NR3C1: variants seen among roughly 807,000 people sequenced by gnomAD.
The protein encoded by NR3C1 is glucocorticoid receptor.
In NR3C1, 14 loss-of-function variants were observed where a neutral mutation model predicts 74.0. The observed-to-expected ratio is 0.19, with a 90% confidence interval of 0.12 to 0.30. The LOEUF is 0.30. Among genes scored for constraint, NR3C1 ranks in the 10% least tolerant of loss-of-function variants. The pLI is 1.00. For missense variants in NR3C1, 695 were observed against 909.8 expected (o/e 0.76, Z 3.04); for synonymous variants, 308 against 332.5 (o/e 0.93, Z 0.80).
At chr5:143,353,012 T>C (rs1830489396) in intron 2 of NR3C1, among the ~76,000 whole-genome samples, 1 of 152,264 alleles carries the variant, frequency 6.6e-6, no homozygotes, top group Admixed American at 6.5e-5. Context: ...CAAACCATGC[T>C]GCTGCTTTAC....
At position 143,279,267 on chromosome 5, in the gene NR3C1, G is replaced by A; in HGVS notation, c.*2622C>T. 1 of 1,379,030 alleles carries A rather than the reference G, an allele frequency of 7.3e-7. No homozygotes were observed. Among genetic ancestry groups the A allele is most frequent in the East Asian group, 2.6e-5 (1 of 38,304 alleles). The allele number at this position is 1,379,030 out of a possible 1,614,324, so 85.4% of individuals were successfully genotyped here. On this transcript the variant is annotated 3_prime_UTR_variant, in exon 9 of 9. Transcript: ENST00000394464. ...TGAAAAGCCTCCTATAGTTGTCGATGAGCATCAGTTGACTTATTATTGACA... is the reference window on the plus strand; with the variant it reads ...TGAAAAGCCTCCTATAGTTGTCGATAAGCATCAGTTGACTTATTATTGACA...
chr5:143,405,688 C>T (rs1841072505), upstream of NR3C1, among the ~76,000 whole-genome samples: 1 of 152,150 alleles, frequency 6.6e-6, no homozygotes, highest in South Asian at 2.1e-4. Context: ...GAAGAGGGAA[C>T]CAACCGTATG....
In NR3C1 at chr5:143,279,331, A is replaced by AT. The variant is rs1213674903; in HGVS notation, c.*2557dup. On this transcript the variant is annotated 3_prime_UTR_variant, in exon 9 of 9. Coordinates refer to ENST00000394464, the MANE Select transcript of NR3C1 (RefSeq NM_000176.3). Reference sequence around the variant, plus strand: ...AATCTTCTTTTTCTCATTGAGTTCTATTTTTTGAGCGCCAAGATTGTTGGG... The same window carrying AT: ...AATCTTCTTTTTCTCATTGAGTTCTATTTTTTTGAGCGCCAAGATTGTTGGG... 1.9e-6 allele frequency: 3 copies of AT among 1,541,804 alleles called. No homozygotes were observed. The African/African-American group carries it at 4.1e-5, about 21-fold the overall frequency.
At chr5:143,413,331 T>C (rs1234158447) in intron 1 of NR3C1, among the ~76,000 whole-genome samples, 1 of 151,636 alleles carries the variant, frequency 6.6e-6, no homozygotes, top group Non-Finnish European at 1.5e-5. Context: ...AGTTATTTGT[T>C]TTTTTTTTCT....
In NR3C1 at chr5:143,400,392, C is replaced by G; in HGVS notation, c.448G>C (p.Ala150Pro). ...KSSASTAVSA[A>P]PTEKEFPKTH... Reference sequence around the variant, plus strand: ...TTTGGAAACTCCTTCTCTGTGGGGGCAGCAGACACAGCAGTGGATGCTGAA... The same window carrying G: ...TTTGGAAACTCCTTCTCTGTGGGGGGAGCAGACACAGCAGTGGATGCTGAA... The change falls in exon 2 of 9, where the codon GCC (alanine) becomes CCC (proline). Residue 150 changes from alanine to proline, a missense_variant. Ala to Pro is a conservative substitution (Grantham distance 27, BLOSUM62 -1). Around this residue, in one of 4 missense-constraint regions of NR3C1, gnomAD observed 497 missense variants for 489.5 expected, o/e 1.02. Coordinates refer to ENST00000394464, the MANE Select transcript of NR3C1 (RefSeq NM_000176.3). 6.2e-7 allele frequency: 1 copy of G among 1,614,158 alleles called. No individual in the cohort carries two copies. The highest frequency in any genetic ancestry group is 8.5e-7 in the Non-Finnish European group (1 of 1,180,032).
upstream of NR3C1, chr5:143,404,619 A>C (rs1406345237): frequency 8.3e-5 from 50 of 604,064 alleles, no homozygotes; most frequent in South Asian, 2.2e-4. Flanking sequence ...ATGTGCTCAC[A>C]CTCGAAGGAA....
At chr5:143,321,279 G>A (rs1270365737) in intron 2 of NR3C1, among the ~76,000 whole-genome samples, 5 of 152,172 alleles carry the variant, frequency 3.3e-5, no homozygotes, top group East Asian at 3.9e-4. Flanking sequence ...TATTTTATTC[G>A]ATTCTTAAAG....
intron 2 of NR3C1, among the ~76,000 whole-genome samples, chr5:143,398,524 TC>T (rs1839667564): frequency 6.6e-6 from 1 of 151,960 alleles, no homozygotes; most frequent in Non-Finnish European, 1.5e-5. Flanking sequence ...TTTTCAAAAA[TC>T]TGAATAACTA....
upstream of NR3C1, among the ~76,000 whole-genome samples, chr5:143,406,731 T>C (rs183013302): frequency 3.3e-5 from 5 of 152,330 alleles, no homozygotes; most frequent in East Asian, 7.7e-4. Context: ...ATGGCTCCTA[T>C]GCATTAAGAG....
upstream of NR3C1, chr5:143,404,105 C>T (rs982109395): frequency 5.1e-6 from 5 of 985,402 alleles, no homozygotes; most frequent in African/African-American, 5.2e-5. Flanking sequence ...GCTCGCTCTG[C>T]CCCTTGGCGG....
chr5:143,357,580 G>C (rs1362022214), intron 2 of NR3C1, among the ~76,000 whole-genome samples: 1 of 152,146 alleles, frequency 6.6e-6, no homozygotes, highest in African/African-American at 2.4e-5. Context: ...GGAATGCCAT[G>C]CTCCCTTTCT....
chr5:143,419,082 C>G (rs1751074387), intron 1 of NR3C1, among the ~76,000 whole-genome samples: 1 of 152,180 alleles, frequency 6.6e-6, no homozygotes, highest in South Asian at 2.1e-4. Context: ...AGGAAATGCT[C>G]ATTGGAACAT....
chr5:143,404,147 C>T, upstream of NR3C1: 3 of 985,372 alleles, frequency 3.0e-6, no homozygotes, highest in Non-Finnish European at 2.4e-6. Flanking sequence ...CGGGTGACAG[C>T]GGGCGGGCCA....
chr5:143,407,960 T>A (rs1404093638), upstream of NR3C1, among the ~76,000 whole-genome samples: 2 of 152,230 alleles, frequency 1.3e-5, no homozygotes, highest in African/African-American at 2.4e-5. Context: ...TTCTAGTGGA[T>A]GTGATTGAAC....
At chr5:143,391,094 C>A (rs1023534969) in intron 2 of NR3C1, among the ~76,000 whole-genome samples, 2 of 152,006 alleles carry the variant, frequency 1.3e-5, no homozygotes, top group Non-Finnish European at 2.9e-5. Flanking sequence ...CTTAATAAAC[C>A]CAGCTGAATT....
intron 8 of NR3C1, 138 bp from the exon 9 acceptor site, chr5:143,282,179 A>C: frequency 1.2e-6 from 1 of 844,958 alleles, no homozygotes; most frequent in Non-Finnish European, 1.9e-6. Flanking sequence ...ATGAAAAATA[A>C]GCACTTCCGT....
At chr5:143,386,230 G>A (rs575207757) in intron 2 of NR3C1, among the ~76,000 whole-genome samples, 1 of 152,246 alleles carries the variant, frequency 6.6e-6, no homozygotes, top group South Asian at 2.1e-4. Flanking sequence ...CTTTCACCAG[G>A]CCCCTCCCCT....
chr5:143,376,862 T>C (rs1835296742), intron 2 of NR3C1, among the ~76,000 whole-genome samples: 1 of 152,184 alleles, frequency 6.6e-6, no homozygotes, highest in Non-Finnish European at 1.5e-5. Context: ...GACTTAAGGG[T>C]ATCAGGGTTT....
At chr5:143,413,834 TGAAA>T (rs1298202199) in intron 1 of NR3C1, among the ~76,000 whole-genome samples, 1 of 151,974 alleles carries the variant, frequency 6.6e-6, no homozygotes, top group Non-Finnish European at 1.5e-5. Context: ...GGGGTACAAA[TGAAA>T]GAGAGAGAAG....
Sources: gnomAD v4.1 joint callset for allele counts (sites outside exome capture counted in the v4.1 genomes callset) on GRCh38, gnomAD v4.1.1 for gene constraint, gnomAD v4.1.1 regional missense constraint, MANE v1.5 for transcripts, NCBI Gene and HGNC (gene_info 2026-07-23, HGNC 2026-07-21) for gene names.